The following VWF variants were observed in gnomAD, a reference collection of about 807,000 sequenced individuals.
VWF encodes Factor VIII related antigen.
In VWF, 176 loss-of-function variants were observed where a neutral mutation model predicts 308.6. The ratio of observed to expected loss-of-function variants is 0.57; its 90% CI spans 0.50 to 0.65. The LOEUF (loss-of-function observed/expected upper bound fraction) is 0.65. VWF is among the 30% of genes least tolerant of loss of function. VWF has a pLI of 0.00. For missense variants in VWF, 3,146 were observed against 3,648.2 expected, an observed-to-expected ratio of 0.86 and a Z score of 3.55; for synonymous variants, 1,385 against 1,443.4, an observed-to-expected ratio of 0.96 and a Z score of 0.92.
Position 6,110,595 on chromosome 12 carries a change from G to A in VWF, c.324-13C>T, listed in dbSNP as rs774442462. ...GGGCATGGAGACTCTGGAGGGCAAA[G>A]GCTAAGTTCAGAAGTGGGCTTCTTG... On this transcript the variant is annotated splice_polypyrimidine_tract_variant and intron_variant, in intron 4 of 51. Transcript: ENST00000261405. 1.9e-6 allele frequency: 3 copies of A among 1,613,656 alleles called. No individual in the cohort carries two copies. The highest frequency in any genetic ancestry group is 1.7e-4 in the Middle Eastern group (1 of 6,020).
chr12:6,035,608 C>A (rs532712232), intron 19 of VWF, among the ~76,000 whole-genome samples: 67 of 152,142 alleles, frequency 4.4e-4, no homozygotes, highest in Non-Finnish European at 6.2e-4. Context: ...GAGAAGGCAA[C>A]CAGCCACCCT....
In VWF at chr12:6,101,648, C is replaced by G. The variant is rs866380698; in HGVS notation, c.533-6064G>C. ...AAAATTAGCCAGGCATGGTGGCGGG[C>G]GCCTGTAGTCCCAGTTATTCAGGAG... On this transcript the variant is annotated intron_variant, in intron 5 of 51. Coordinates refer to ENST00000261405, the MANE Select transcript of VWF (RefSeq NM_000552.5). Among the ~76,000 whole-genome samples, 7 of 151,998 alleles carry G rather than the reference C, an allele frequency of 4.6e-5. 1 individual carries two copies. The highest frequency in any genetic ancestry group is 1.7e-4 in the African/African-American group (7 of 41,436).
At chr12:6,027,900 T>A (rs1944214306) in intron 22 of VWF, among the ~76,000 whole-genome samples, 1 of 148,752 alleles carries the variant, frequency 6.7e-6, no homozygotes, top group Non-Finnish European at 1.5e-5. Flanking sequence ...ACAAAAAAAC[T>A]TTTTTCCCCT....
chr12:6,064,382 A>G lies in VWF; in HGVS notation c.1296T>C (p.Cys432=). The G allele has an allele frequency of 1.2e-6, 2 of 1,614,070 alleles. No homozygotes were observed. Among genetic ancestry groups the G allele is most frequent in the Non-Finnish European group, 1.7e-6 (2 of 1,180,018 alleles). Residue 432 remains cysteine (C), a splice_region_variant and synonymous_variant, in exon 12 of 52, where the codon TGT becomes TGC. Coordinates refer to ENST00000261405, the MANE Select transcript of VWF (RefSeq NM_000552.5). ...SFSIVIETVQ[C]ADDRDAVCTR... is the part of the protein sequence containing the mutation. ...TGCACACAGCGTCGCGGTCATCAGC[A>G]CACTGCCAAGAGGGAACACAGGGTG...
At chr12:5,997,963 T>C (rs560427369) in intron 34 of VWF, among the ~76,000 whole-genome samples, 3 of 152,318 alleles carry the variant, frequency 2.0e-5, no homozygotes, top group African/African-American at 4.8e-5. Context: ...GAGTAAAGTA[T>C]ATCACTCATA....
chr12:6,052,023 C>G (rs569378973), intron 16 of VWF, among the ~76,000 whole-genome samples: 1 of 152,156 alleles, frequency 6.6e-6, no homozygotes, highest in Non-Finnish European at 1.5e-5. Flanking sequence ...CTCATGGCAA[C>G]CCTGTTGAAA....
chr12:5,993,652 T>C (rs1446879688), intron 37 of VWF, among the ~76,000 whole-genome samples: 3 of 105,348 alleles, frequency 2.8e-5, no homozygotes, highest in African/African-American at 1.1e-4. Flanking sequence ...TGTGTGTGTA[T>C]ATATATATAT....
chr12:5,953,197 A>C (rs1265992505), intron 48 of VWF, among the ~76,000 whole-genome samples: 1 of 152,088 alleles, frequency 6.6e-6, no homozygotes, highest in Non-Finnish European at 1.5e-5. Flanking sequence ...ATTGCACTCC[A>C]GCCTGGCAAC....
chr12:6,048,309 A>C (rs2136444665), intron 16 of VWF, among the ~76,000 whole-genome samples: 1 of 152,174 alleles, frequency 6.6e-6, no homozygotes, highest in South Asian at 2.1e-4. Context: ...CTGGGATTAC[A>C]GGCATGTGCC....
chr12:5,960,655 A>C (rs1943303767), intron 47 of VWF, among the ~76,000 whole-genome samples: 1 of 152,218 alleles, frequency 6.6e-6, no homozygotes, highest in African/African-American at 2.4e-5. Flanking sequence ...AAGGGGATTC[A>C]TCAAACGAAT....
At chr12:6,053,248 T>C (rs1433239638) in intron 15 of VWF, among the ~76,000 whole-genome samples, 1 of 152,220 alleles carries the variant, frequency 6.6e-6, no homozygotes, top group Non-Finnish European at 1.5e-5. Flanking sequence ...GTACCATTTA[T>C]GGAGCACCTA....
intron 3 of VWF, among the ~76,000 whole-genome samples, chr12:6,111,957 CA>C (rs910505899): frequency 1.3e-5 from 2 of 149,750 alleles, no homozygotes; most frequent in African/African-American, 4.9e-5. Flanking sequence ...GACTCTGTCT[CA>C]AAAAAAATAA....
chr12:6,116,523 C>G (rs928753322), intron 3 of VWF, among the ~76,000 whole-genome samples: 2 of 152,232 alleles, frequency 1.3e-5, no homozygotes, highest in African/African-American at 4.8e-5. Flanking sequence ...GCCACGGAAA[C>G]TAAGGCTCCC....
intron 47 of VWF, among the ~76,000 whole-genome samples, chr12:5,960,799 C>T (rs1943305223): frequency 6.6e-6 from 1 of 152,198 alleles, no homozygotes; most frequent in Admixed American, 6.5e-5. Context: ...ATTGTAGAAA[C>T]TCTCAGCACT....
intron 15 of VWF, among the ~76,000 whole-genome samples, chr12:6,056,004 C>T (rs1357332801): frequency 6.6e-6 from 1 of 151,724 alleles, no homozygotes; most frequent in Non-Finnish European, 1.5e-5. Context: ...ATACTCGTCA[C>T]TTCTATGCCT....
At position 6,044,297 on chromosome 12, in the gene VWF, C is replaced by CG. The variant is rs62643632; in HGVS notation, c.2435dup (p.Met814HisfsTer5). ...TCTGTGCCTGGTGACTCACCATGCC[C>CG]GGGGGGCAGAGGCAGCCAGAGACAC... is the stretch of plus-strand genomic sequence containing the variant. On this transcript the variant is annotated frameshift_variant, in exon 18 of 52. Transcript: ENST00000261405. LOFTEE classifies it high-confidence loss of function. The CG allele has an allele frequency of 1.9e-6, 3 of 1,614,034 alleles. No individual in the cohort carries two copies. Among genetic ancestry groups the CG allele is most frequent in the Non-Finnish European group, 2.5e-6 (3 of 1,179,986 alleles).
chr12:5,993,353 T>C (rs1476764097), intron 37 of VWF, among the ~76,000 whole-genome samples: 1 of 152,188 alleles, frequency 6.6e-6, no homozygotes, highest in Non-Finnish European at 1.5e-5. Context: ...CTAGCAATCC[T>C]GCAGTGTTTA....
intron 18 of VWF, among the ~76,000 whole-genome samples, chr12:6,037,168 C>T (rs1425243683): frequency 1.3e-5 from 2 of 152,168 alleles, no homozygotes; most frequent in African/African-American, 4.8e-5. Context: ...AATCTGCCTC[C>T]AGGTGGTGAG....
intron 42 of VWF, among the ~76,000 whole-genome samples, chr12:5,979,714 C>A (rs1318983585): frequency 1.3e-5 from 2 of 149,464 alleles, no homozygotes; most frequent in Non-Finnish European, 3.0e-5. Context: ...CGTGCCACTG[C>A]ACTCCAACCT....
Sources: allele counts gnomAD v4.1 joint callset (sites outside exome capture counted in the v4.1 genomes callset), GRCh38; gene constraint gnomAD v4.1.1; transcripts MANE v1.5; gene names NCBI Gene and HGNC (gene_info 2026-07-23, HGNC 2026-07-21).